The following AP3B1 variants were observed in gnomAD, a reference collection of about 807,000 sequenced individuals.
The protein encoded by AP3B1 is adaptor related protein complex 3 subunit beta 1, also known as AP-3 complex subunit beta-1.
In AP3B1, 61 loss-of-function variants were observed where a neutral mutation model predicts 132.5. That is an observed-to-expected ratio of 0.46 (90% confidence interval 0.37 to 0.57). AP3B1 has a LOEUF of 0.57. Ranked by LOEUF, AP3B1 falls within the 20% of genes least tolerant of loss-of-function variation. The probability of loss-of-function intolerance (pLI) is 0.00; values close to 1 mark genes in which losing one functional copy is unlikely to be tolerated. For missense variants in AP3B1, 1,120 were observed against 1,289.4 expected (o/e 0.87, Z 2.01); for synonymous variants, 388 against 438.3 (o/e 0.89, Z 1.43).
intron 7 of AP3B1, among the ~76,000 whole-genome samples, chr5:78,206,212 T>C (rs1745499270): frequency 6.6e-6 from 1 of 152,170 alleles, no homozygotes; most frequent in African/African-American, 2.4e-5. Flanking sequence ...CTACAATGTA[T>C]CAGGCCTTCC....
chr5:78,089,860 A>C (rs1750436569), intron 21 of AP3B1, among the ~76,000 whole-genome samples: 1 of 152,218 alleles, frequency 6.6e-6, no homozygotes, highest in African/African-American at 2.4e-5. Flanking sequence ...ACCGCTTCCA[A>C]GAGAATGCTG....
chr5:78,276,714 A>T (rs1748791228), intron 1 of AP3B1, among the ~76,000 whole-genome samples: 1 of 151,866 alleles, frequency 6.6e-6, no homozygotes, highest in Non-Finnish European at 1.5e-5. Context: ...CAAAAAAAAC[A>T]AAAAATTAGT....
Position 78,110,366 on chromosome 5 carries a change from A to T in AP3B1, c.2250-12T>A. ...CATCTTCAGAATCACTACACATAATAGTAAATTTTGAAATATGAACTTTAA... is the reference window on the plus strand; with the variant it reads ...CATCTTCAGAATCACTACACATAATTGTAAATTTTGAAATATGAACTTTAA... On this transcript the variant is annotated splice_polypyrimidine_tract_variant and intron_variant, in intron 19 of 26. Transcript: ENST00000255194. The T allele has an allele frequency of 6.3e-7, 1 of 1,595,708 alleles. No individual in the cohort carries two copies. The highest frequency in any genetic ancestry group is 1.7e-5 in the Admixed American group (1 of 58,982).
intron 17 of AP3B1, among the ~76,000 whole-genome samples, chr5:78,117,513 T>C (rs2112268876): frequency 6.6e-6 from 1 of 152,212 alleles, no homozygotes; most frequent in East Asian, 1.9e-4. Flanking sequence ...TTTCACTATG[T>C]TGCCCAGGCT....
intron 5 of AP3B1, 127 bp downstream of exon 5, chr5:78,227,245 T>C (rs992775986): frequency 6.5e-6 from 6 of 918,066 alleles, no homozygotes; most frequent in Admixed American, 4.1e-5. Context: ...AATACCATCA[T>C]ACAGTCACTG....
At position 78,227,484 on chromosome 5, in the gene AP3B1, T is replaced by C; in HGVS notation, c.424A>G (p.Ile142Val). 2 of 1,613,818 alleles carry C rather than the reference T, an allele frequency of 1.2e-6. No homozygotes were observed. The highest frequency in any genetic ancestry group is 1.3e-5 in the African/African-American group (1 of 75,040). The change falls in exon 5 of 27, where the codon ATT becomes GTT. Residue 142 changes from isoleucine (I) to valine (V), a missense_variant. By Grantham distance (29) the Ile-to-Val change is conservative. Coordinates refer to ENST00000255194, the MANE Select transcript of AP3B1 (RefSeq NM_003664.5). The stretch of plus-strand genomic sequence containing the variant: ...ATAGGTACAATAATTGGCACTCTAA[T>C]ACTTGACAGAACTCTCAAAGCGCTT... ...RASALRVLSS[I>V]RVPIIVPIMM...
intron 22 of AP3B1, among the ~76,000 whole-genome samples, chr5:78,086,279 T>C (rs1373324889): frequency 6.6e-6 from 1 of 152,194 alleles, no homozygotes; most frequent in African/African-American, 2.4e-5. Flanking sequence ...TCACACTTCA[T>C]TTCCTTTATA....
chr5:78,100,962 G>T lies in AP3B1; in HGVS notation c.2461C>A (p.Leu821Met). The T allele has an allele frequency of 6.5e-7, 1 of 1,549,008 alleles. No homozygotes were observed. The highest frequency in any genetic ancestry group is 8.9e-7 in the Non-Finnish European group (1 of 1,124,708). ...PLTKDVSLLDLDDFNPVSTPV... is the reference protein window; with the variant it reads ...PLTKDVSLLDMDDFNPVSTPV... ...AAATTACAATACTTACAATCATCCA[G>T]ATCTAGAAGTGAAACATCTTTGGTA... The change falls in exon 21 of 27, where the codon CTG (leucine) becomes ATG (methionine). Residue 821 changes from leucine (L) to methionine (M), a missense_variant. Leu to Met is a conservative substitution (Grantham distance 15, BLOSUM62 2). Around this residue, in one of 3 missense-constraint regions of AP3B1, gnomAD observed 906 missense variants for 997.1 expected, o/e 0.91. Transcript: ENST00000255194.
intron 1 of AP3B1, among the ~76,000 whole-genome samples, chr5:78,293,245 T>G (rs1441153098): frequency 2.0e-5 from 3 of 152,178 alleles, no homozygotes. Context: ...TAAATTAATT[T>G]GCGAAACAGA....
chr5:78,091,884 A>T (rs181687475), intron 21 of AP3B1, among the ~76,000 whole-genome samples: 1 of 152,202 alleles, frequency 6.6e-6, no homozygotes, highest in African/African-American at 2.4e-5. Context: ...ATGAAGTGAA[A>T]AAGACTAAAG....
intron 7 of AP3B1, among the ~76,000 whole-genome samples, chr5:78,207,473 TGATG>T (rs1450350106): frequency 6.6e-6 from 1 of 151,852 alleles, no homozygotes; most frequent in African/African-American, 2.4e-5. Flanking sequence ...TCTAAAAATA[TGATG>T]GACATGGTAG....
At chr5:78,082,821 C>T (rs1468838072) in intron 22 of AP3B1, among the ~76,000 whole-genome samples, 9 of 144,728 alleles carry the variant, frequency 6.2e-5, no homozygotes, top group Non-Finnish European at 1.1e-4. Context: ...CTTGGGAACC[C>T]TTTTTTTTTT....
Position 78,294,453 on chromosome 5 carries a change from T to C in AP3B1, c.127A>G (p.Lys43Glu), listed in dbSNP as rs1423755111. 6.2e-7 allele frequency: 1 copy of C among 1,614,142 alleles called. No homozygotes were observed. Among genetic ancestry groups the C allele is most frequent in the African/African-American group, 1.3e-5 (1 of 75,046 alleles). The change falls in exon 1 of 27, where the codon AAG becomes GAG. Residue 43 changes from lysine to glutamate, a missense_variant and splice_region_variant. Coordinates refer to ENST00000255194, the MANE Select transcript of AP3B1 (RefSeq NM_003664.5). The stretch of plus-strand genomic sequence containing the variant: ...CGCAACCCAAACCTTTCTCCTCACT[T>C]CTTCAAATCGCTGCTAAAGAGGCCG... ...AFGLFSSDLK[K>E]NEDLKQMLES...
chr5:78,263,256 T>C (rs1453935301), intron 2 of AP3B1, among the ~76,000 whole-genome samples: 1 of 152,196 alleles, frequency 6.6e-6, no homozygotes, highest in African/African-American at 2.4e-5. Context: ...TATTTTATTC[T>C]TTTTGATGCT....
chr5:78,140,440 G>A (rs1753096484), intron 15 of AP3B1, among the ~76,000 whole-genome samples: 2 of 152,110 alleles, frequency 1.3e-5, no homozygotes, highest in South Asian at 2.1e-4. Context: ...TGGAGGCTGG[G>A]AAATCCAAGA....
intron 2 of AP3B1, among the ~76,000 whole-genome samples, chr5:78,262,683 C>CTT (rs71613943): frequency 3.2e-4 from 46 of 143,784 alleles, no homozygotes; most frequent in Non-Finnish European, 4.1e-4. Flanking sequence ...CAATTTTGTT[C>CTT]TTTTTTTTTT....
chr5:78,037,177 A>T (rs1747841668), intron 23 of AP3B1, among the ~76,000 whole-genome samples: 2 of 152,192 alleles, frequency 1.3e-5, no homozygotes, highest in Admixed American at 6.5e-5. Flanking sequence ...ACTAAAGGTC[A>T]ACTCATCAAC....
rs551487262 is a variant in AP3B1, at chr5:78,070,413, A to G, written c.2577+18980T>C. ...CAGAGTAAGACTCCATCTCAAGAAA[A>G]AAAAAAAAAAAACTAAAATGTAAAA... On this transcript the variant is annotated intron_variant, in intron 22 of 26. Coordinates refer to ENST00000255194, the MANE Select transcript of AP3B1 (RefSeq NM_003664.5). 2.0e-3 allele frequency among the ~76,000 whole-genome samples: 305 copies of G among 151,824 alleles called. 7 individuals carry two copies. The highest frequency in any genetic ancestry group is 0.016 in the Admixed American group (250 of 15,232).
intron 17 of AP3B1, among the ~76,000 whole-genome samples, chr5:78,124,671 A>G (rs1752386547): frequency 6.6e-6 from 1 of 152,232 alleles, no homozygotes. Context: ...TTTGAATAAG[A>G]TGCTTATATA....
Sources: allele counts gnomAD v4.1 joint callset (sites outside exome capture counted in the v4.1 genomes callset), GRCh38; gene constraint gnomAD v4.1.1; regional missense constraint gnomAD v4.1.1; transcripts MANE v1.5; gene names NCBI Gene and HGNC (gene_info 2026-07-23, HGNC 2026-07-21).